RYR1: variants seen among roughly 807,000 people sequenced by gnomAD.
RYR1 encodes central core disease of muscle.
In RYR1, 342 loss-of-function variants were observed where a neutral mutation model predicts 583.5. That is an observed-to-expected ratio of 0.59 (90% confidence interval 0.54 to 0.64). RYR1 has a LOEUF of 0.64. Ranked by LOEUF, RYR1 falls within the 30% of genes least tolerant of loss-of-function variation. RYR1 has a pLI of 0.00. For missense variants in RYR1, 6,032 were observed against 6,917.2 expected (o/e 0.87, Z 4.54); for synonymous variants, 2,791 against 2,822.5 (o/e 0.99, Z 0.35).
Position 38,494,395 on chromosome 19 carries a change from C to A in RYR1, c.6318C>A (p.Ala2106=), listed in dbSNP as rs769443054. Residue 2106 remains alanine (A), a synonymous_variant, in exon 39 of 106, where the codon GCC becomes GCA. Transcript: ENST00000359596. ...ELVSHMVVRW[A]QEDFVQSPEL... ...TGTCCCACATGGTGGTGCGCTGGGC[C>A]CAAGAGGACTTCGTGCAGAGCCCCG... 6.2e-6 allele frequency: 10 copies of A among 1,611,864 alleles called. No individual in the cohort carries two copies. The Admixed American group carries it at 1.7e-4, about 27-fold the overall frequency.
At chr19:38,568,517 C>T (rs529003412) in intron 93 of RYR1, among the ~76,000 whole-genome samples, 2 of 150,796 alleles carry the variant, frequency 1.3e-5, no homozygotes, top group Non-Finnish European at 2.9e-5. Context: ...AGGCGGATCG[C>T]CTGAGGTCAG....
Position 38,459,298 on chromosome 19 carries a change from G to A in RYR1, c.2320G>A (p.Gly774Arg), listed in dbSNP as rs147918857. 378 of 1,614,058 alleles carry A rather than the reference G, an allele frequency of 2.3e-4. No individual in the cohort carries two copies. The highest frequency in any genetic ancestry group is 3.0e-4 in the Non-Finnish European group (354 of 1,180,014). Residue 774 changes from glycine to arginine, a missense_variant, in exon 19 of 106, where the codon GGG becomes AGG. Gly to Arg is a moderately radical substitution (Grantham distance 125). Transcript: ENST00000359596. Reference sequence around the variant, plus strand: ...TGTCTTTGAGTCCTTCAACCTGGACGGGCTCTTCTTCCCTGTTGTCAGCTT... The same window carrying A: ...TGTCTTTGAGTCCTTCAACCTGGACAGGCTCTTCTTCCCTGTTGTCAGCTT... ...QGVFESFNLD[G>R]LFFPVVSFSA...
chr19:38,524,197 A>G (rs904078166), intron 70 of RYR1, among the ~76,000 whole-genome samples: 7 of 148,246 alleles, frequency 4.7e-5, no homozygotes, highest in South Asian at 2.1e-4. Context: ...AAAAAAAAAA[A>G]AAAAAAGAAA....
chr19:38,456,971 G>A (rs909313847), intron 16 of RYR1, among the ~76,000 whole-genome samples: 19 of 148,112 alleles, frequency 1.3e-4, no homozygotes, highest in African/African-American at 4.3e-4. Context: ...ATGTGAACCC[G>A]GGAGGCAGAG....
In RYR1 at chr19:38,490,057, CA is replaced by C. The variant is rs773338805; in HGVS notation, c.5815-18del. On this transcript the variant is annotated intron_variant, in intron 35 of 105. Transcript: ENST00000359596. Reference sequence around the variant, plus strand: ...GGTCTCACCTCCATCTCTCCTCCCACACGGCTGTCCTTCCACAGATGTGCCA... The same window carrying C: ...GGTCTCACCTCCATCTCTCCTCCCACCGGCTGTCCTTCCACAGATGTGCCA... 5.0e-6 allele frequency: 8 copies of C among 1,612,960 alleles called. No homozygotes were observed.
rs750443543 is a variant in RYR1 at position 38,496,814 on chromosome 19, G to A, written c.6797-46G>A. The A allele has an allele frequency of 4.3e-5, 68 of 1,564,564 alleles. No homozygotes were observed. The highest frequency in any genetic ancestry group is 1.8e-4 in the East Asian group (8 of 44,650). On this transcript the variant is annotated intron_variant, in intron 41 of 105. Coordinates refer to ENST00000359596, the MANE Select transcript of RYR1 (RefSeq NM_000540.3). This position sits in a 1 kb window ranked among gnomAD's most constrained non-coding sequence, Gnocchi z 4.8. ...TCAGGGAGGGCTTCCCAGAGGAGGC[G>A]AGACAAGCAGGAGTGAGATGTTCTC... is the stretch of plus-strand genomic sequence containing the variant.
In RYR1 at chr19:38,444,779, C is replaced by A; in HGVS notation, c.631+102C>A. 1 of 876,126 alleles carries A rather than the reference C, an allele frequency of 1.1e-6. No homozygotes were observed. The highest frequency in any genetic ancestry group is 1.4e-5 in the South Asian group (1 of 70,248). The allele number at this position is 876,126 out of a possible 1,614,324, so 54.3% of individuals were successfully genotyped here. A position where few individuals can be genotyped will look rare whatever the true frequency, so the allele number is the denominator to read the frequency against. On this transcript the variant is annotated intron_variant, in intron 7 of 105. Coordinates refer to ENST00000359596, the MANE Select transcript of RYR1 (RefSeq NM_000540.3). This position sits in a 1 kb window ranked among gnomAD's most constrained non-coding sequence, Gnocchi z 5.1. ...AATGGAGCCTTGGAACCTCAGACCT[C>A]AAACCTAGATCTCCAAATTATGGCT...
At chr19:38,571,399 C>T (rs1446076827) in intron 94 of RYR1, among the ~76,000 whole-genome samples, 3 of 152,054 alleles carry the variant, frequency 2.0e-5, no homozygotes, top group Non-Finnish European at 4.4e-5. Flanking sequence ...TTTGGGAGGC[C>T]GAGGTAGGTG....
chr19:38,565,634 GC>G lies in RYR1; in HGVS notation c.13302del (p.Asp4435ThrfsTer6). Reference protein sequence around the residue: ...EAVHEAGPGGADGAVAVTDGG... With the variant: ...EAVHEAGPGGXDGAVAVTDGG... The stretch of plus-strand genomic sequence containing the variant: ...GGTGCACGAGGCCGGGCCGGGCGGT[GC>G]CGACGGGGCGGTGGCCGTGACCGAT... On this transcript the variant is annotated frameshift_variant, in exon 91 of 106. Transcript: ENST00000359596. LOFTEE classifies it high-confidence loss of function. The surrounding 1 kb of genome is among the most constrained non-coding windows in gnomAD (Gnocchi z 4.7). 2 of 1,396,326 alleles carry G rather than the reference GC, an allele frequency of 1.4e-6. No homozygotes were observed. Among genetic ancestry groups the G allele is most frequent in the East Asian group, 6.0e-5 (2 of 33,510 alleles). 86.5% of individuals were successfully genotyped at this position (1,396,326 alleles called of 1,614,324 possible).
intron 11 of RYR1, among the ~76,000 whole-genome samples, chr19:38,450,336 G>T (rs1003442359): frequency 2.0e-4 from 30 of 152,014 alleles, no homozygotes; most frequent in Non-Finnish European, 4.1e-4. Flanking sequence ...GAAGGGGAGG[G>T]GTTGAGGATG....
Position 38,543,952 on chromosome 19 carries a change from G to A in RYR1, c.12012+77G>A. On this transcript the variant is annotated intron_variant, in intron 87 of 105. Transcript: ENST00000359596. The surrounding 1 kb of genome is among the most constrained non-coding windows in gnomAD (Gnocchi z 4.4). Reference sequence around the variant, plus strand: ...GTCCATTTCCAAGTCTTGCCCCTTTGGTCAGTTTGTCACCCGAGTGCTCCC... The same window carrying A: ...GTCCATTTCCAAGTCTTGCCCCTTTAGTCAGTTTGTCACCCGAGTGCTCCC... 1 of 1,423,172 alleles carries A rather than the reference G, an allele frequency of 7.0e-7. No individual in the cohort carries two copies. The highest frequency in any genetic ancestry group is 9.7e-7 in the Non-Finnish European group (1 of 1,030,900). 88.2% of individuals were successfully genotyped at this position (1,423,172 alleles called of 1,614,324 possible). A position where few individuals can be genotyped will look rare whatever the true frequency, so the allele number is the denominator to read the frequency against.
intron 24 of RYR1, 32 bp downstream of exon 24, chr19:38,466,430 T>C: frequency 6.5e-7 from 1 of 1,533,536 alleles, no homozygotes. Context: ...TGGCCCTGAC[T>C]CCTACCCCAA....
rs755258237 is a variant in RYR1, at chr19:38,489,320, G to A, written c.5691G>A (p.Glu1897=). ...AGGAGGAGAAGGAGGAGGATGAGGA[G>A]GAAACAGCACAGGAAAAGGAAGATG... ...EDEEEKEEDE[E]ETAQEKEDEE... Residue 1897 remains glutamate, a synonymous_variant, in exon 35 of 106, where the codon GAG becomes GAA. Coordinates refer to ENST00000359596, the MANE Select transcript of RYR1 (RefSeq NM_000540.3). The A allele has an allele frequency of 1.8e-5, 29 of 1,605,718 alleles. No individual in the cohort carries two copies. The highest frequency in any genetic ancestry group is 2.5e-5 in the Non-Finnish European group (29 of 1,172,516).
intron 84 of RYR1, among the ~76,000 whole-genome samples, chr19:38,541,943 C>T (rs1260762919): frequency 1.3e-5 from 2 of 151,586 alleles, no homozygotes; most frequent in Non-Finnish European, 2.9e-5. Flanking sequence ...GTGGCTCACA[C>T]CTATAGTTCC....
intron 78 of RYR1, 77 bp from the exon 79 acceptor site, chr19:38,534,643 C>T: frequency 1.6e-6 from 2 of 1,256,016 alleles, no homozygotes; most frequent in South Asian, 1.3e-5. Flanking sequence ...ACAGGGAGGG[C>T]AGAAGTGAGA....
chr19:38,513,472 C>T (rs1970818457), intron 63 of RYR1, among the ~76,000 whole-genome samples: 1 of 152,026 alleles, frequency 6.6e-6, no homozygotes, highest in African/African-American at 2.4e-5. Flanking sequence ...ATAGCAAAAC[C>T]CCATCTTAAA....
intron 47 of RYR1, among the ~76,000 whole-genome samples, chr19:38,501,293 T>C (rs1970107308): frequency 6.6e-6 from 1 of 151,686 alleles, no homozygotes; most frequent in African/African-American, 2.4e-5. Flanking sequence ...AGGTCAGGAG[T>C]TCGAGACCAG....
chr19:38,525,903 T>C (rs995016129), intron 71 of RYR1, among the ~76,000 whole-genome samples: 10 of 151,006 alleles, frequency 6.6e-5, no homozygotes, highest in Non-Finnish European at 1.5e-4. Context: ...TTCAAGCCCC[T>C]TGGGACCTAC....
intron 89 of RYR1, among the ~76,000 whole-genome samples, chr19:38,559,226 T>C (rs904365533): frequency 2.7e-5 from 4 of 146,554 alleles, no homozygotes; most frequent in Non-Finnish European, 6.0e-5. Flanking sequence ...AGAGGTGGGC[T>C]TCTTTTTTTT....
Sources: allele counts gnomAD v4.1 joint callset (sites outside exome capture counted in the v4.1 genomes callset), GRCh38; gene constraint gnomAD v4.1.1; non-coding constraint Gnocchi (gnomAD v3.1); transcripts MANE v1.5; gene names NCBI Gene and HGNC (gene_info 2026-07-23, HGNC 2026-07-21).